Variants in IQCM observed in about 807,000 individuals in gnomAD.
The protein encoded by IQCM is IQ motif containing M.
Under a neutral mutation model 57.6 loss-of-function variants are expected in IQCM, and 45 were observed. The observed-to-expected ratio is 0.78, with a 90% CI of 0.62 to 1.00. The LOEUF (loss-of-function observed/expected upper bound fraction) is 1.00. Ranked by LOEUF, IQCM falls within the 50% of genes least tolerant of loss-of-function variation. IQCM has a pLI of 0.00. For missense variants in IQCM, 468 were observed against 511.6 expected (o/e 0.91, Z 0.82); for synonymous variants, 148 against 158.9 (o/e 0.93, Z 0.51).
intron 13 of IQCM, among the ~76,000 whole-genome samples, chr4:149,406,247 T>C (rs929184150): frequency 4.6e-5 from 7 of 152,136 alleles, no homozygotes; most frequent in African/African-American, 1.7e-4. Context: ...GAGACAATTA[T>C]AATAATATAG....
intron 5 of IQCM, among the ~76,000 whole-genome samples, chr4:149,692,034 G>A (rs1354098974): frequency 1.3e-5 from 2 of 152,064 alleles, no homozygotes; most frequent in African/African-American, 2.4e-5. Context: ...AATTATCCAT[G>A]TGCTCCCCTA....
At chr4:149,473,598 C>T (rs535686345) in intron 12 of IQCM, among the ~76,000 whole-genome samples, 1 of 152,266 alleles carries the variant, frequency 6.6e-6, no homozygotes, top group African/African-American at 2.4e-5. Context: ...CTAGAAATAC[C>T]ATTTGACCCA....
chr4:149,509,120 C>T (rs1261779532), intron 12 of IQCM, among the ~76,000 whole-genome samples: 3 of 152,136 alleles, frequency 2.0e-5, no homozygotes, highest in South Asian at 2.1e-4. Flanking sequence ...CCTTTATCAG[C>T]AGAGTGAAAA....
At chr4:149,421,298 T>G (rs2111218268) in intron 13 of IQCM, among the ~76,000 whole-genome samples, 1 of 152,106 alleles carries the variant, frequency 6.6e-6, no homozygotes. Context: ...TAGAATCAAT[T>G]ATTTTTTGCA....
At chr4:149,496,070 G>A (rs1742624976) in intron 12 of IQCM, among the ~76,000 whole-genome samples, 1 of 152,072 alleles carries the variant, frequency 6.6e-6, no homozygotes, top group African/African-American at 2.4e-5. Context: ...CTTTGTACGG[G>A]GAAGTGGGCA....
At chr4:149,622,220 C>G (rs1263684322) in intron 7 of IQCM, among the ~76,000 whole-genome samples, 1 of 152,048 alleles carries the variant, frequency 6.6e-6, no homozygotes, top group Non-Finnish European at 1.5e-5. Context: ...CTCATTTTAA[C>G]TTTATATATA....
chr4:149,695,191 T>C (rs1763249327), intron 5 of IQCM, among the ~76,000 whole-genome samples: 1 of 152,176 alleles, frequency 6.6e-6, no homozygotes, highest in Non-Finnish European at 1.5e-5. Context: ...AGACATTGTG[T>C]TTTTATGCAT....
At chr4:149,374,444 TTCAG>T in intron 13 of IQCM, among the ~76,000 whole-genome samples, 1 of 152,164 alleles carries the variant, frequency 6.6e-6, no homozygotes, top group South Asian at 2.1e-4. Flanking sequence ...CTCCATGAAT[TTCAG>T]TCAATCTTCT....
At chr4:149,728,469 T>C (rs567831035) in intron 5 of IQCM, among the ~76,000 whole-genome samples, 2 of 152,342 alleles carry the variant, frequency 1.3e-5, no homozygotes, top group Admixed American at 6.5e-5. Flanking sequence ...TTTGTATATT[T>C]ACTGAATATC....
intron 5 of IQCM, among the ~76,000 whole-genome samples, chr4:149,716,622 C>T (rs536863228): frequency 2.0e-5 from 3 of 152,294 alleles, no homozygotes; most frequent in South Asian, 4.1e-4. Flanking sequence ...CGGCTGCAGC[C>T]GGCATCTTTG....
At chr4:149,391,070 G>C (rs1322746115) in intron 13 of IQCM, among the ~76,000 whole-genome samples, 2 of 151,730 alleles carry the variant, frequency 1.3e-5, no homozygotes, top group Non-Finnish European at 2.9e-5. Flanking sequence ...GATAAGAATT[G>C]GCATTAATTC....
chr4:149,788,995 A>G (rs1040570596), intron 2 of IQCM, among the ~76,000 whole-genome samples: 1 of 152,146 alleles, frequency 6.6e-6, no homozygotes, highest in Non-Finnish European at 1.5e-5. Flanking sequence ...GGCTGGGAAG[A>G]ATGTGCAGGT....
chr4:149,380,742 C>T (rs191076422), intron 13 of IQCM, among the ~76,000 whole-genome samples: 1 of 152,198 alleles, frequency 6.6e-6, no homozygotes, highest in African/African-American at 2.4e-5. Flanking sequence ...AGTGCTAAGA[C>T]ATCCCACAGT....
At chr4:149,680,456 CT>C (rs1193913018) in intron 7 of IQCM, among the ~76,000 whole-genome samples, 1 of 151,112 alleles carries the variant, frequency 6.6e-6, no homozygotes, top group Non-Finnish European at 1.5e-5. Context: ...TTCTCAATTT[CT>C]TTTTTTCTTT....
intron 7 of IQCM, among the ~76,000 whole-genome samples, chr4:149,646,370 GT>G (rs199868228): frequency 0.023 from 3,420 of 150,272 alleles, 113 homozygotes; most frequent in African/African-American, 0.078. Flanking sequence ...GATTCTTGAG[GT>G]TTTTTTTTAA....
intron 9 of IQCM, 76 bp from the exon 10 acceptor site, chr4:149,563,966 A>G: frequency 1.6e-6 from 1 of 634,182 alleles, no homozygotes; most frequent in Non-Finnish European, 2.3e-6. Flanking sequence ...AATTATTTCA[A>G]TGATGAATAC....
At chr4:149,591,494 C>T (rs1753166265) in intron 8 of IQCM, among the ~76,000 whole-genome samples, 1 of 151,700 alleles carries the variant, frequency 6.6e-6, no homozygotes, top group South Asian at 2.1e-4. Flanking sequence ...GGTACATGTG[C>T]ACAACGTGCA....
intron 12 of IQCM, among the ~76,000 whole-genome samples, chr4:149,472,040 A>T (rs147644262): frequency 1.9e-4 from 29 of 152,096 alleles, no homozygotes; most frequent in Non-Finnish European, 3.7e-4. Flanking sequence ...AACTGGAAGC[A>T]TTCCCTTTGA....
intron 12 of IQCM, among the ~76,000 whole-genome samples, chr4:149,544,643 T>G (rs1386085095): frequency 6.6e-6 from 1 of 152,118 alleles, no homozygotes; most frequent in Non-Finnish European, 1.5e-5. Context: ...GATTTCAACC[T>G]ATATTAAAAA....
Sources: gnomAD v4.1 joint callset for allele counts (sites outside exome capture counted in the v4.1 genomes callset) on GRCh38, gnomAD v4.1.1 for gene constraint, MANE v1.5 for transcripts, NCBI Gene and HGNC (gene_info 2026-07-23, HGNC 2026-07-21) for gene names.